Variants in AOAH observed in about 807,000 individuals in gnomAD.
AOAH encodes acyloxyacyl hydrolase, also known as acyloxyacyl hydrolase (neutrophil).
In AOAH, 64 loss-of-function variants were observed where a neutral mutation model predicts 92.2. The ratio of observed to expected loss-of-function variants is 0.69; its 90% CI spans 0.57 to 0.86. The LOEUF (loss-of-function observed/expected upper bound fraction) is 0.86, where lower values mean the gene tolerates loss of function less well. Among genes scored for constraint, AOAH ranks in the 40% least tolerant of loss-of-function variants. The pLI is 0.00. For missense variants in AOAH, 656 were observed against 694.6 expected (o/e 0.94, Z 0.62); for synonymous variants, 263 against 254.5 (o/e 1.03, Z -0.32).
chr7:36,703,266 C>G (rs1011701079), intron 1 of AOAH, among the ~76,000 whole-genome samples: 10 of 152,082 alleles, frequency 6.6e-5, no homozygotes, highest in Non-Finnish European at 1.5e-4. Context: ...ATTTTGACCT[C>G]CTCCCAGGAA....
At chr7:36,642,423 G>T (rs945213573) in intron 4 of AOAH, among the ~76,000 whole-genome samples, 4 of 152,088 alleles carry the variant, frequency 2.6e-5, no homozygotes, top group Non-Finnish European at 4.4e-5. Context: ...AAGAGAAAAA[G>T]GCATAGAACA....
chr7:36,613,493 G>A (rs1462306948), intron 11 of AOAH, among the ~76,000 whole-genome samples: 1 of 152,188 alleles, frequency 6.6e-6, no homozygotes, highest in Non-Finnish European at 1.5e-5. Context: ...TACTTATTTA[G>A]CCACAGCTTC....
intron 19 of AOAH, among the ~76,000 whole-genome samples, chr7:36,523,113 G>A (rs184587485): frequency 3.5e-4 from 54 of 152,254 alleles, no homozygotes; most frequent in Admixed American, 1.9e-3. Flanking sequence ...AGGGGCTGAG[G>A]ATAATGCTGC....
chr7:36,684,777 G>A (rs947852742), intron 2 of AOAH, among the ~76,000 whole-genome samples: 2 of 151,244 alleles, frequency 1.3e-5, no homozygotes, highest in African/African-American at 4.9e-5. Context: ...AAATTAGCTG[G>A]TGCTGGTGTG....
chr7:36,549,058 A>C (rs1471372097), intron 14 of AOAH, among the ~76,000 whole-genome samples: 5 of 152,166 alleles, frequency 3.3e-5, no homozygotes. Flanking sequence ...GCAGCCGTGG[A>C]CCCATAGTCA....
At chr7:36,577,024 CTT>C (rs565396541) in intron 12 of AOAH, among the ~76,000 whole-genome samples, 37 of 131,362 alleles carry the variant, frequency 2.8e-4, no homozygotes, top group Admixed American at 4.6e-4. Context: ...TGTTGCCTTT[CTT>C]TTTTTTTTTT....
chr7:36,694,158 A>C (rs749037340), intron 1 of AOAH, among the ~76,000 whole-genome samples: 5 of 152,136 alleles, frequency 3.3e-5, no homozygotes, highest in Non-Finnish European at 7.4e-5. Flanking sequence ...ATGCAAAAAA[A>C]TTTATCGCAG....
At chr7:36,595,132 CT>C (rs1270147951) in intron 11 of AOAH, among the ~76,000 whole-genome samples, 2 of 152,290 alleles carry the variant, frequency 1.3e-5, no homozygotes, top group East Asian at 3.9e-4. Context: ...CATTTTACTC[CT>C]TTTATGAGTG....
intron 2 of AOAH, among the ~76,000 whole-genome samples, chr7:36,676,988 C>T (rs921362245): frequency 1.3e-5 from 2 of 151,950 alleles, no homozygotes; most frequent in Admixed American, 6.6e-5. Context: ...TACAAGGAAA[C>T]ACTGGCATAA....
At chr7:36,546,846 A>G (rs1181243331) in intron 15 of AOAH, among the ~76,000 whole-genome samples, 2 of 152,160 alleles carry the variant, frequency 1.3e-5, no homozygotes, top group Non-Finnish European at 2.9e-5. Flanking sequence ...CCTTGATGTC[A>G]GGGACTGTGG....
chr7:36,622,075 G>A (rs1228046284), intron 7 of AOAH, among the ~76,000 whole-genome samples: 1 of 152,116 alleles, frequency 6.6e-6, no homozygotes, highest in Non-Finnish European at 1.5e-5. Flanking sequence ...ATGTGCATGT[G>A]TGGGGGTGCA....
At chr7:36,623,065 G>T in intron 7 of AOAH, 125 bp downstream of exon 7, 2 of 847,888 alleles carry the variant, frequency 2.4e-6, no homozygotes, top group South Asian at 1.5e-5. Flanking sequence ...ATTGTGAAAT[G>T]ATGTGTTGTT....
At chr7:36,585,463 T>G (rs751548644) in intron 12 of AOAH, among the ~76,000 whole-genome samples, 4 of 152,184 alleles carry the variant, frequency 2.6e-5, no homozygotes, top group Non-Finnish European at 5.9e-5. Context: ...AAATTAAAAA[T>G]GTAAACATTT....
Position 36,623,190 on chromosome 7 carries a change from T to G in AOAH, c.582A>C (p.Pro194=). 1 of 1,613,490 alleles carries G rather than the reference T, an allele frequency of 6.2e-7. No individual in the cohort carries two copies. Among genetic ancestry groups the G allele is most frequent in the Non-Finnish European group, 8.5e-7 (1 of 1,179,388 alleles). Residue 194 remains proline, a splice_region_variant and synonymous_variant, in exon 7 of 21, where the codon CCA becomes CCC. Coordinates refer to ENST00000617537, the MANE Select transcript of AOAH (RefSeq NM_001637.4). ...DVDSDKYSVF[P]TLRGYHWRGR... ...TCTGGTTATTCCTAACAATACTTAC[T>G]GGGAAAACGCTGTATTTGTCTGAAT... is the stretch of plus-strand genomic sequence containing the variant.
chr7:36,616,395 C>T lies in AOAH; in HGVS notation c.831G>A (p.Ala277=), dbSNP rs3735387. ...HFHISPEWIT[A]SQMSLNSFIN... Reference sequence around the variant, plus strand: ...AATTACTTACCAAAGACATCTGCGACGCTGTGATCCATTCAGGAGAGATGT... The same window carrying T: ...AATTACTTACCAAAGACATCTGCGATGCTGTGATCCATTCAGGAGAGATGT... Residue 277 remains alanine (A), a synonymous_variant, in exon 11 of 21, where the codon GCG becomes GCA. Coordinates refer to ENST00000617537, the MANE Select transcript of AOAH (RefSeq NM_001637.4). The T allele has an allele frequency of 0.011, 17,588 of 1,613,656 alleles. 763 individuals carry two copies. The East Asian group carries it at 0.12, about 11-fold the overall frequency.
At chr7:36,665,238 C>T (rs1795462431) in intron 3 of AOAH, among the ~76,000 whole-genome samples, 1 of 152,122 alleles carries the variant, frequency 6.6e-6, no homozygotes, top group Admixed American at 6.5e-5. Flanking sequence ...TAGTTTTCCT[C>T]ATATAGATCT....
chr7:36,608,918 GGGTCT>G (rs1791211539), intron 11 of AOAH, among the ~76,000 whole-genome samples: 1 of 134,200 alleles, frequency 7.5e-6, no homozygotes, highest in African/African-American at 2.7e-5. Flanking sequence ...GGAGGGGGGG[GGGTCT>G]GGTACAAAGA....
At chr7:36,644,625 C>T (rs16879444) in intron 4 of AOAH, among the ~76,000 whole-genome samples, 250 of 152,228 alleles carry the variant, frequency 1.6e-3, no homozygotes, top group African/African-American at 5.8e-3. Flanking sequence ...CATTCAGTAA[C>T]TGGGCTTTCT....
chr7:36,693,789 T>C (rs1797548535), intron 1 of AOAH, among the ~76,000 whole-genome samples: 1 of 152,180 alleles, frequency 6.6e-6, no homozygotes, highest in Non-Finnish European at 1.5e-5. Context: ...TTGGTACCTA[T>C]GTCTGTTGAG....
Sources: allele counts gnomAD v4.1 joint callset (sites outside exome capture counted in the v4.1 genomes callset), GRCh38; gene constraint gnomAD v4.1.1; transcripts MANE v1.5; gene names NCBI Gene and HGNC (gene_info 2026-07-23, HGNC 2026-07-21).